Variants in SUPT3H observed in about 807,000 individuals in gnomAD.
The protein encoded by SUPT3H is SPT3 homolog, SAGA and STAGA complex component, also known as transcription initiation protein SPT3 homolog.
SUPT3H carries 44 observed loss-of-function variants against 44.3 expected under a neutral mutation model. The observed-to-expected ratio is 0.99, with a 90% CI of 0.78 to 1.28. SUPT3H has a LOEUF of 1.28. SUPT3H is among the 50% of genes most tolerant of loss of function. The pLI, the probability that SUPT3H is intolerant of heterozygous loss-of-function variation, is 0.00. For missense variants in SUPT3H, 380 were observed against 387.1 expected, an observed-to-expected ratio of 0.98 and a Z score of 0.15; for synonymous variants, 124 against 125.6, an observed-to-expected ratio of 0.99 and a Z score of 0.09.
intron 3 of SUPT3H, among the ~76,000 whole-genome samples, chr6:45,071,225 C>T (rs1484290096): frequency 6.6e-6 from 1 of 152,024 alleles, no homozygotes; most frequent in Non-Finnish European, 1.5e-5. Flanking sequence ...ACCTGGGAAA[C>T]CTAAATTTTT....
At chr6:44,910,114 T>C (rs901254332) in intron 10 of SUPT3H, among the ~76,000 whole-genome samples, 8 of 152,182 alleles carry the variant, frequency 5.3e-5, no homozygotes, top group Admixed American at 5.2e-4. Context: ...CCCACTGTCT[T>C]CTGAGTCCTG....
chr6:44,909,975 G>A (rs974317092), intron 10 of SUPT3H, among the ~76,000 whole-genome samples: 1 of 152,200 alleles, frequency 6.6e-6, no homozygotes, highest in African/African-American at 2.4e-5. Flanking sequence ...CTTTTGGAAA[G>A]TATTTGGACA....
At chr6:45,323,020 C>T in intron 2 of SUPT3H, 1 of 1,096,274 alleles carries the variant, frequency 9.1e-7, no homozygotes. Context: ...AATAGAGATA[C>T]AGACAGACAT....
At chr6:45,181,567 G>C (rs201536746) in intron 2 of SUPT3H, among the ~76,000 whole-genome samples, 4 of 151,548 alleles carry the variant, frequency 2.6e-5, no homozygotes. Flanking sequence ...TCCTTTGTAG[G>C]GACATGGATG....
At chr6:45,184,784 A>G (rs1370050901) in intron 2 of SUPT3H, among the ~76,000 whole-genome samples, 4 of 10,354 alleles carry the variant, frequency 3.9e-4, no homozygotes, top group Non-Finnish European at 1.0e-3. Context: ...GGAAAAAAAA[A>G]AAAAAAAAAA....
intron 3 of SUPT3H, among the ~76,000 whole-genome samples, chr6:45,051,274 G>T (rs983672675): frequency 1.3e-5 from 2 of 152,044 alleles, no homozygotes; most frequent in African/African-American, 4.8e-5. Flanking sequence ...CAGGTATGTG[G>T]GCATAAGTAC....
chr6:45,214,158 T>C (rs969743407), intron 2 of SUPT3H, among the ~76,000 whole-genome samples: 1 of 150,838 alleles, frequency 6.6e-6, no homozygotes, highest in African/African-American at 2.4e-5. Flanking sequence ...CCCAAGTACA[T>C]AACAGCTCAG....
downstream of SUPT3H, among the ~76,000 whole-genome samples, chr6:44,824,312 T>C (rs902671122): frequency 1.3e-5 from 2 of 152,152 alleles, no homozygotes; most frequent in Non-Finnish European, 2.9e-5. Context: ...GGCCAATGCA[T>C]TGGCAGGTGA....
chr6:45,133,424 A>C (rs1331209804), intron 2 of SUPT3H, among the ~76,000 whole-genome samples: 2 of 152,206 alleles, frequency 1.3e-5, no homozygotes, highest in African/African-American at 4.8e-5. Context: ...CTTTTACATT[A>C]TAATCATTGT....
intron 2 of SUPT3H, among the ~76,000 whole-genome samples, chr6:45,306,240 C>T (rs75366123): frequency 6.6e-6 from 1 of 152,198 alleles, no homozygotes; most frequent in Non-Finnish European, 1.5e-5. Context: ...ATACCCAGTA[C>T]CAAAACGAAT....
intron 7 of SUPT3H, chr6:44,955,415 T>TG (rs1043630450): frequency 1.3e-4 from 20 of 152,548 alleles, no homozygotes; most frequent in African/African-American, 4.6e-4. Context: ...TTTCGGGCTG[T>TG]GGGCTGCATG....
chr6:44,920,307 C>G (rs1163764252), intron 10 of SUPT3H, among the ~76,000 whole-genome samples: 1 of 151,996 alleles, frequency 6.6e-6, no homozygotes, highest in African/African-American at 2.4e-5. Flanking sequence ...TGTGGTGGCT[C>G]ACATCTGTAA....
chr6:45,322,843 T>C (rs1450266936), intron 2 of SUPT3H: 10 of 1,540,562 alleles, frequency 6.5e-6, no homozygotes, highest in Non-Finnish European at 9.0e-6. Context: ...GTTAGATTCA[T>C]CCAAAAGCAG....
intron 3 of SUPT3H, among the ~76,000 whole-genome samples, chr6:45,061,733 A>G (rs1446526016): frequency 7.4e-6 from 1 of 135,674 alleles, no homozygotes; most frequent in African/African-American, 2.7e-5. Flanking sequence ...ATCCATTATG[A>G]CTATATATAT....
At chr6:44,942,612 G>A (rs1772638271) in intron 9 of SUPT3H, among the ~76,000 whole-genome samples, 1 of 152,116 alleles carries the variant, frequency 6.6e-6, no homozygotes, top group Non-Finnish European at 1.5e-5. Context: ...TTTTGTGGGT[G>A]GGGAGAGATG....
At chr6:45,331,585 G>A (rs1248698691) in intron 2 of SUPT3H, among the ~76,000 whole-genome samples, 1 of 151,666 alleles carries the variant, frequency 6.6e-6, no homozygotes, top group Non-Finnish European at 1.5e-5. Flanking sequence ...AATTCCCAAA[G>A]ACTCATATAA....
chr6:45,077,183 C>G (rs1795103691), intron 3 of SUPT3H, among the ~76,000 whole-genome samples: 1 of 152,092 alleles, frequency 6.6e-6, no homozygotes, highest in African/African-American at 2.4e-5. Context: ...TTTTGAACCA[C>G]TGTGACACTT....
chr6:45,342,918 G>A (rs533278663), intron 2 of SUPT3H, among the ~76,000 whole-genome samples: 67 of 152,194 alleles, frequency 4.4e-4, no homozygotes, highest in African/African-American at 1.4e-3. Context: ...GAAACACAAG[G>A]ACAGCAGGGG....
intron 3 of SUPT3H, among the ~76,000 whole-genome samples, chr6:45,057,340 A>G (rs1314622159): frequency 2.0e-5 from 3 of 152,144 alleles, no homozygotes; most frequent in Non-Finnish European, 2.9e-5. Context: ...GACATATGTA[A>G]AAGTACATTA....
Sources: allele counts gnomAD v4.1 joint callset (sites outside exome capture counted in the v4.1 genomes callset), GRCh38; gene constraint gnomAD v4.1.1; transcripts MANE v1.5; gene names NCBI Gene and HGNC (gene_info 2026-07-23, HGNC 2026-07-21).